Variants in TUNAR observed in about 807,000 individuals in gnomAD.
The protein encoded by TUNAR is transmembrane neural differentiation associated intracellular calcium regulator.
intron 2 of TUNAR, among the ~76,000 whole-genome samples, chr14:95,909,196 C>G (rs775605914): frequency 1.3e-5 from 2 of 152,086 alleles, no homozygotes; most frequent in Non-Finnish European, 2.9e-5. Flanking sequence ...AAACTTTTCT[C>G]ACTCAACACA....
intron 2 of TUNAR, among the ~76,000 whole-genome samples, chr14:95,918,996 C>G (rs1349751062): frequency 6.6e-6 from 1 of 152,126 alleles, no homozygotes; most frequent in Non-Finnish European, 1.5e-5. Flanking sequence ...GTCCTTCCTC[C>G]AAGGGCTTGC....
At chr14:95,884,564 G>A (rs1232149416) in intron 2 of TUNAR, among the ~76,000 whole-genome samples, 1 of 152,204 alleles carries the variant, frequency 6.6e-6, no homozygotes. Context: ...TTTAGAAGCA[G>A]CTCTTTAAGT....
chr14:95,904,478 A>G (rs1174165688), intron 2 of TUNAR, among the ~76,000 whole-genome samples: 1 of 152,180 alleles, frequency 6.6e-6, no homozygotes, highest in African/African-American at 2.4e-5. Context: ...GCAACCAGGC[A>G]GGTGCAGGGC....
At chr14:95,908,564 T>C (rs115009824) in intron 2 of TUNAR, among the ~76,000 whole-genome samples, 1,612 of 152,322 alleles carry the variant, frequency 0.011, 30 homozygotes, top group African/African-American at 0.036. Flanking sequence ...GGATCTGAGC[T>C]TACTCTACTG....
chr14:95,893,871 A>G (rs965819119), intron 2 of TUNAR, among the ~76,000 whole-genome samples: 2 of 152,242 alleles, frequency 1.3e-5, no homozygotes, highest in African/African-American at 2.4e-5. Flanking sequence ...TTGTGGCTGC[A>G]CTATGTGGGC....
At position 95,895,991 on chromosome 14, in the gene TUNAR, A is replaced by G. The variant is rs1889258139; in HGVS notation, c.12+18814A>G. The G allele has an allele frequency of 6.6e-6, 1 of 152,082 alleles. No homozygotes were observed. The highest frequency in any genetic ancestry group is 6.5e-5 in the Admixed American group (1 of 15,280). 9.4% of individuals were successfully genotyped at this position (152,082 alleles called of 1,614,324 possible). On this transcript the variant is annotated intron_variant, in intron 2 of 2. Coordinates refer to ENST00000678517, the Ensembl canonical transcript of TUNAR. This position sits in a 1 kb window ranked among gnomAD's most constrained non-coding sequence, Gnocchi z 4.5. ...TGCTTTGTGCACCTCTCAAATCTTC[A>G]ACACCTAGCGTGGTACCTGGCCCCA...
intron 2 of TUNAR, among the ~76,000 whole-genome samples, chr14:95,921,365 G>C (rs1889694465): frequency 6.6e-6 from 1 of 152,126 alleles, no homozygotes; most frequent in Non-Finnish European, 1.5e-5. Flanking sequence ...GTAGCTATGG[G>C]GCTGGCCTGG....
At chr14:95,919,680 T>C (rs1022906560) in intron 2 of TUNAR, among the ~76,000 whole-genome samples, 2 of 151,942 alleles carry the variant, frequency 1.3e-5, no homozygotes, top group Non-Finnish European at 2.9e-5. Flanking sequence ...CCCACTGTAC[T>C]CCAGCCTGGG....
At chr14:95,886,483 A>G (rs1889078403) in intron 2 of TUNAR, among the ~76,000 whole-genome samples, 1 of 152,210 alleles carries the variant, frequency 6.6e-6, no homozygotes, top group African/African-American at 2.4e-5. Flanking sequence ...CCAGTGGGCA[A>G]ATTCTTAGCT....
chr14:95,885,308 A>T (rs370871711), intron 2 of TUNAR, among the ~76,000 whole-genome samples: 1 of 152,334 alleles, frequency 6.6e-6, no homozygotes, highest in East Asian at 1.9e-4. Flanking sequence ...GCCATTAGCA[A>T]AGTGGGGTGG....
chr14:95,885,767 G>T (rs1210637862), intron 2 of TUNAR, among the ~76,000 whole-genome samples: 2 of 152,188 alleles, frequency 1.3e-5, no homozygotes, highest in African/African-American at 4.8e-5. Flanking sequence ...TAAAAAGATA[G>T]CTGGTAGCCC....
At chr14:95,887,153 T>C (rs1595115898) in intron 2 of TUNAR, among the ~76,000 whole-genome samples, 1 of 152,326 alleles carries the variant, frequency 6.6e-6, no homozygotes, top group South Asian at 2.1e-4. Flanking sequence ...TTCATCCTGG[T>C]TCTCAGAGCA....
intron 2 of TUNAR, among the ~76,000 whole-genome samples, chr14:95,920,484 G>C (rs918112369): frequency 1.3e-5 from 2 of 152,138 alleles, no homozygotes; most frequent in African/African-American, 4.8e-5. Context: ...TGTGGGAGTA[G>C]GAACCCACTG....
chr14:95,913,742 T>G (rs72700942), intron 2 of TUNAR, among the ~76,000 whole-genome samples: 15,488 of 150,740 alleles, frequency 0.1, 939 homozygotes, highest in South Asian at 0.22. Flanking sequence ...GGACTGGACT[T>G]TTTTTTTTTG....
intron 2 of TUNAR, among the ~76,000 whole-genome samples, chr14:95,919,720 T>A (rs958750998): frequency 4.6e-5 from 7 of 151,834 alleles, no homozygotes; most frequent in African/African-American, 1.7e-4. Context: ...CTCAAAATAA[T>A]AATAATAATA....
At chr14:95,908,615 A>C (rs1323567759) in intron 2 of TUNAR, among the ~76,000 whole-genome samples, 2 of 152,220 alleles carry the variant, frequency 1.3e-5, no homozygotes, top group Non-Finnish European at 2.9e-5. Context: ...GGCTAAGAGA[A>C]GTTAAGAGAT....
chr14:95,924,825 C>T (rs1889759529), exon 3 of TUNAR: 1 of 152,244 alleles, frequency 6.6e-6, no homozygotes, highest in African/African-American at 2.4e-5. Context: ...CAGCCTTGCC[C>T]CTGGGCAGAA....
chr14:95,899,433 G>A (rs60063818), intron 2 of TUNAR, among the ~76,000 whole-genome samples: 5,546 of 152,304 alleles, frequency 0.036, 316 homozygotes, highest in African/African-American at 0.12. Context: ...CTGGGTCCCC[G>A]AGGCTTGGTT....
intron 2 of TUNAR, among the ~76,000 whole-genome samples, chr14:95,906,178 A>G (rs1420250777): frequency 2.0e-5 from 3 of 152,160 alleles, no homozygotes; most frequent in Non-Finnish European, 4.4e-5. Flanking sequence ...GGAGAATGGC[A>G]TAGAGAAACC....
Sources: gnomAD v4.1 joint callset for allele counts (sites outside exome capture counted in the v4.1 genomes callset) on GRCh38, gnomAD v4.1.1 for gene constraint, Gnocchi (gnomAD v3.1) non-coding constraint, MANE v1.5 for transcripts, NCBI Gene and HGNC (gene_info 2026-07-23, HGNC 2026-07-21) for gene names.